SEL1L2: variants seen among roughly 807,000 people sequenced by gnomAD.
The protein encoded by SEL1L2 is SEL1L2 adaptor subunit of SYVN1 ubiquitin ligase, also known as protein sel-1 homolog 2.
SEL1L2 carries 89 observed loss-of-function variants against 98.8 expected under a neutral mutation model. The ratio of observed to expected loss-of-function variants is 0.90; its 90% CI spans 0.76 to 1.07. The LOEUF (loss-of-function observed/expected upper bound fraction) is 1.07, where lower values mean the gene tolerates loss of function less well. Ranked by LOEUF, SEL1L2 falls within the 50% of genes least tolerant of loss-of-function variation. SEL1L2 has a pLI of 0.00. For synonymous variants in SEL1L2, 262 were observed against 278.5 expected (o/e 0.94, Z 0.59); for missense variants, 788 against 812.0 (o/e 0.97, Z 0.36).
At chr20:13,943,543 T>C (rs2049878283) in intron 2 of SEL1L2, among the ~76,000 whole-genome samples, 1 of 151,766 alleles carries the variant, frequency 6.6e-6, no homozygotes, top group Non-Finnish European at 1.5e-5. Context: ...GAGCTACTGA[T>C]AGTTTCTGTT....
intron 5 of SEL1L2, among the ~76,000 whole-genome samples, chr20:13,905,850 G>A (rs1018293765): frequency 4.7e-5 from 7 of 149,332 alleles, no homozygotes; most frequent in African/African-American, 1.7e-4. Context: ...TTGTTTGTAA[G>A]ACTTATTTCT....
chr20:13,887,225 A>G (rs243909), intron 8 of SEL1L2, among the ~76,000 whole-genome samples: 150,896 of 152,342 alleles, frequency 0.99, 74,734 homozygotes, highest in East Asian at 1. Flanking sequence ...AAATGATCTC[A>G]TTATATACAG....
chr20:13,865,329 A>G lies in SEL1L2; in HGVS notation c.1570+20T>C. ...CATATGTATGATTGGGGGATTGCAG[A>G]GAATTTTAACTCATCTTACTAGATT... On this transcript the variant is annotated intron_variant, in intron 16 of 19. Transcript: ENST00000284951. The G allele has an allele frequency of 2.5e-6, 4 of 1,612,944 alleles. No individual in the cohort carries two copies. Among genetic ancestry groups the G allele is most frequent in the Non-Finnish European group, 2.5e-6 (3 of 1,179,086 alleles).
In SEL1L2 at chr20:13,938,525, G is replaced by A. The variant is rs569494590; in HGVS notation, c.115-6754C>T. On this transcript the variant is annotated intron_variant, in intron 2 of 19. Coordinates refer to ENST00000284951, the MANE Select transcript of SEL1L2 (RefSeq NM_025229.2). ...ACACAATTTAACTTTTTAAACACAA[G>A]AAACTTTGAGTACATGTTAACATAT... 3.4e-3 allele frequency among the ~76,000 whole-genome samples: 510 copies of A among 152,212 alleles called. 1 individual carries two copies. Among genetic ancestry groups the A allele is most frequent in the Non-Finnish European group, 5.1e-3 (348 of 68,004 alleles).
chr20:13,958,934 A>C (rs2050662538), intron 1 of SEL1L2, among the ~76,000 whole-genome samples: 1 of 151,682 alleles, frequency 6.6e-6, no homozygotes, highest in African/African-American at 2.4e-5. Context: ...AAAAAAAAAA[A>C]AAAAAGTTTT....
At chr20:13,865,556 A>G in intron 15 of SEL1L2, 42 bp from the exon 16 acceptor site, 1 of 1,540,820 alleles carries the variant, frequency 6.5e-7, no homozygotes, top group Non-Finnish European at 8.9e-7. Flanking sequence ...GTTAGCCAGT[A>G]TGCTTCACCC....
At chr20:13,948,951 T>A (rs536992502) in intron 2 of SEL1L2, among the ~76,000 whole-genome samples, 1 of 152,342 alleles carries the variant, frequency 6.6e-6, no homozygotes, top group African/African-American at 2.4e-5. Context: ...GAAGGGTCAA[T>A]TTCTATGTTT....
intron 1 of SEL1L2, among the ~76,000 whole-genome samples, chr20:13,965,103 G>C (rs138907480): frequency 7.9e-4 from 112 of 142,284 alleles, no homozygotes; most frequent in Non-Finnish European, 1.4e-3. Flanking sequence ...GTGGACAGCT[G>C]TGGGTGCAGG....
At chr20:13,945,539 C>T (rs950524708) in intron 2 of SEL1L2, among the ~76,000 whole-genome samples, 15 of 151,442 alleles carry the variant, frequency 9.9e-5, no homozygotes, top group Non-Finnish European at 1.9e-4. Context: ...TTGAATTCTG[C>T]CTCACACTCT....
chr20:13,960,444 T>G (rs923226104), intron 1 of SEL1L2, among the ~76,000 whole-genome samples: 2 of 152,200 alleles, frequency 1.3e-5, no homozygotes, highest in African/African-American at 4.8e-5. Flanking sequence ...AATTAACTAT[T>G]CAGTAGCTTA....
At chr20:13,984,265 G>T (rs1465044945) in intron 1 of SEL1L2, among the ~76,000 whole-genome samples, 1 of 151,886 alleles carries the variant, frequency 6.6e-6, no homozygotes, top group Non-Finnish European at 1.5e-5. Flanking sequence ...GCCCGCCTTG[G>T]CCTCCCAAAG....
chr20:13,866,922 A>C, intron 14 of SEL1L2, 72 bp from the exon 15 acceptor site: 2 of 1,361,792 alleles, frequency 1.5e-6, no homozygotes, highest in Non-Finnish European at 1.9e-6. Flanking sequence ...TGGATATAAT[A>C]GTCATAGTGA....
At chr20:13,985,445 A>G (rs1295341544) in intron 1 of SEL1L2, among the ~76,000 whole-genome samples, 1 of 152,004 alleles carries the variant, frequency 6.6e-6, no homozygotes, top group African/African-American at 2.4e-5. Flanking sequence ...TGTCTATGCC[A>G]TTTCCTTTGT....
At position 13,898,455 on chromosome 20, in the gene SEL1L2, G is replaced by A. The variant is rs529821503; in HGVS notation, c.550-9943C>T. On this transcript the variant is annotated intron_variant, in intron 5 of 19. Coordinates refer to ENST00000284951, the MANE Select transcript of SEL1L2 (RefSeq NM_025229.2). The stretch of plus-strand genomic sequence containing the variant: ...TCCGGCTCTCTTTCCCAGAACTCTC[G>A]TATTTATAACCCCACACAGGAGGTA... Among the ~76,000 whole-genome samples the A allele has an allele frequency of 1.3e-4, 20 of 152,204 alleles. No homozygotes were observed. The South Asian group carries it at 1.9e-3, about 14-fold the overall frequency.
intron 11 of SEL1L2, 83 bp from the exon 12 acceptor site, chr20:13,876,198 C>T (rs1362265576): frequency 1.2e-5 from 12 of 978,286 alleles, no homozygotes; most frequent in Non-Finnish European, 1.8e-5. Context: ...ATAGAGGTAA[C>T]AGTGGTACAA....
At position 13,973,713 on chromosome 20, in the gene SEL1L2, T is replaced by G. The variant is rs558312752; in HGVS notation, c.58+16764A>C. 1.7e-4 allele frequency among the ~76,000 whole-genome samples: 26 copies of G among 152,274 alleles called. No individual in the cohort carries two copies. The Middle Eastern group carries it at 0.014, about 80-fold the overall frequency. On this transcript the variant is annotated intron_variant, in intron 1 of 19. Transcript: ENST00000284951. ...TGCACACTTTATTAGAGTGGATTCT[T>G]TGAGGCCTATGATGAAGTTGTCTTT...
chr20:13,930,279 C>T (rs1030734054), intron 3 of SEL1L2, among the ~76,000 whole-genome samples: 2 of 152,206 alleles, frequency 1.3e-5, no homozygotes, highest in South Asian at 2.1e-4. Flanking sequence ...TCCCTGCCTC[C>T]TCAATCCGGG....
intron 5 of SEL1L2, among the ~76,000 whole-genome samples, chr20:13,902,620 G>A (rs966200363): frequency 2.6e-5 from 4 of 152,054 alleles, no homozygotes; most frequent in African/African-American, 9.7e-5. Context: ...TTCCTATCAG[G>A]TATGATAAGA....
chr20:13,926,100 C>T (rs188668875), intron 3 of SEL1L2, among the ~76,000 whole-genome samples: 242 of 152,262 alleles, frequency 1.6e-3, no homozygotes, highest in Non-Finnish European at 2.6e-3. Context: ...GGGCGAATCA[C>T]GAGGTCAGGA....
Sources: gnomAD v4.1 joint callset for allele counts (sites outside exome capture counted in the v4.1 genomes callset) on GRCh38, gnomAD v4.1.1 for gene constraint, MANE v1.5 for transcripts, NCBI Gene and HGNC (gene_info 2026-07-23, HGNC 2026-07-21) for gene names.